The following FAM210A variants were observed in gnomAD, a reference collection of about 807,000 sequenced individuals.
FAM210A encodes the protein mitochondrial inner membrane scaffold 1.
Under a neutral mutation model 25.3 loss-of-function variants are expected in FAM210A, and 13 were observed. The ratio of observed to expected loss-of-function variants is 0.51; its 90% CI spans 0.33 to 0.82. The LOEUF (loss-of-function observed/expected upper bound fraction) is 0.82. FAM210A is among the 40% of genes least tolerant of loss of function. FAM210A has a pLI of 0.02. For synonymous variants in FAM210A, 125 were observed against 118.7 expected, an observed-to-expected ratio of 1.05 and a Z score of -0.35; for missense variants, 319 against 323.2, an observed-to-expected ratio of 0.99 and a Z score of 0.10.
intron 2 of FAM210A, among the ~76,000 whole-genome samples, chr18:13,675,654 G>T (rs2043491304): frequency 7.8e-6 from 1 of 128,154 alleles, no homozygotes; most frequent in African/African-American, 2.9e-5. Context: ...ACATTCCTGA[G>T]CCCTGGCTTC....
At chr18:13,712,387 A>G (rs907172559) in intron 1 of FAM210A, among the ~76,000 whole-genome samples, 8 of 152,232 alleles carry the variant, frequency 5.3e-5, no homozygotes, top group East Asian at 1.9e-4. Context: ...AGAAAATTCA[A>G]TTTGACAGTC....
chr18:13,723,123 T>C (rs1568491462), intron 1 of FAM210A, among the ~76,000 whole-genome samples: 1 of 152,208 alleles, frequency 6.6e-6, no homozygotes, highest in Non-Finnish European at 1.5e-5. Flanking sequence ...AGTGGGAGTA[T>C]CTAATAGTGA....
rs367917449 is a variant in FAM210A at position 13,700,493 on chromosome 18, C to T, written c.-28-18388G>A. On this transcript the variant is annotated intron_variant, in intron 1 of 3. Transcript: ENST00000651643. Reference sequence around the variant, plus strand: ...CTGAATTCCAGCAAAACAGCTGACACCAAACTGTCTGAAGACCCCCACCAA... The same window carrying T: ...CTGAATTCCAGCAAAACAGCTGACATCAAACTGTCTGAAGACCCCCACCAA... 3.3e-5 allele frequency among the ~76,000 whole-genome samples: 5 copies of T among 152,276 alleles called. No individual in the cohort carries two copies. The South Asian group carries it at 6.2e-4, about 19-fold the overall frequency.
chr18:13,663,545 A>G lies in FAM210A; in HGVS notation c.*2935T>C, dbSNP rs910300189. The G allele has an allele frequency of 1.3e-5, 2 of 152,120 alleles. No homozygotes were observed. Among genetic ancestry groups the G allele is most frequent in the African/African-American group, 4.8e-5 (2 of 41,390 alleles). 9.4% of individuals were successfully genotyped at this position (152,120 alleles called of 1,614,324 possible). On this transcript the variant is annotated 3_prime_UTR_variant, in exon 4 of 4. Transcript: ENST00000651643. ...ATAAACTAAGTCTCTCACCTAATCC[A>G]TCTTTCATTTCAAATATCAATTTGC...
chr18:13,704,174 G>A (rs746162926), intron 1 of FAM210A, among the ~76,000 whole-genome samples: 3 of 152,190 alleles, frequency 2.0e-5, no homozygotes, highest in African/African-American at 4.8e-5. Flanking sequence ...CATGCAAGGC[G>A]TGTGAGGAAA....
chr18:13,689,991 G>A (rs754791053), intron 1 of FAM210A, among the ~76,000 whole-genome samples: 5 of 152,238 alleles, frequency 3.3e-5, no homozygotes, highest in Non-Finnish European at 5.9e-5. Flanking sequence ...ATGGGTCAGG[G>A]AATTCCCTTT....
intron 2 of FAM210A, among the ~76,000 whole-genome samples, chr18:13,680,990 T>A (rs952458515): frequency 1.3e-5 from 2 of 152,192 alleles, no homozygotes; most frequent in Non-Finnish European, 2.9e-5. Flanking sequence ...CCTTGACACT[T>A]ACTGGACTTG....
chr18:13,675,660 G>A (rs57192882), intron 2 of FAM210A, among the ~76,000 whole-genome samples: 22 of 90,658 alleles, frequency 2.4e-4, no homozygotes, highest in Middle Eastern at 8.3e-3. Context: ...CTGAGCCCTG[G>A]CTTCTTTATT....
At chr18:13,723,858 T>G (rs1238817264) in intron 1 of FAM210A, among the ~76,000 whole-genome samples, 1 of 152,238 alleles carries the variant, frequency 6.6e-6, no homozygotes. Flanking sequence ...CAATGAAATT[T>G]CAGTAGGAAC....
At chr18:13,710,541 C>T (rs1158635593) in intron 1 of FAM210A, 1 of 152,216 alleles carries the variant, frequency 6.6e-6, no homozygotes, top group Non-Finnish European at 1.5e-5. Context: ...GTTCAGCAGT[C>T]ACGGGGCCAG....
intron 1 of FAM210A, among the ~76,000 whole-genome samples, chr18:13,713,751 C>CACACACACACAT (rs1208787484): frequency 6.6e-6 from 1 of 151,870 alleles, no homozygotes; most frequent in African/African-American, 2.4e-5. Context: ...CACACACACA[C>CACACACACACAT]ACGTTTAGAG....
At chr18:13,671,158 A>G (rs2043438266) in intron 3 of FAM210A, among the ~76,000 whole-genome samples, 1 of 148,832 alleles carries the variant, frequency 6.7e-6, no homozygotes, top group South Asian at 2.2e-4. Flanking sequence ...AAAAACAGTA[A>G]AATAGGGGGA....
chr18:13,717,961 C>G (rs1243537764), intron 1 of FAM210A, among the ~76,000 whole-genome samples: 2 of 152,156 alleles, frequency 1.3e-5, no homozygotes, highest in Non-Finnish European at 2.9e-5. Context: ...CTGAGGGAAG[C>G]CACCAGTCAA....
At chr18:13,703,422 A>T (rs1326255930) in intron 1 of FAM210A, among the ~76,000 whole-genome samples, 1 of 152,214 alleles carries the variant, frequency 6.6e-6, no homozygotes, top group Non-Finnish European at 1.5e-5. Flanking sequence ...GATGCCATAC[A>T]ATTAAATGCA....
intron 1 of FAM210A, among the ~76,000 whole-genome samples, chr18:13,700,355 G>C (rs1245129283): frequency 6.6e-6 from 1 of 152,168 alleles, no homozygotes; most frequent in Non-Finnish European, 1.5e-5. Flanking sequence ...CTTCCCTATA[G>C]CTGCTGAGAG....
intron 1 of FAM210A, among the ~76,000 whole-genome samples, chr18:13,688,604 A>T (rs1431474229): frequency 6.6e-6 from 1 of 152,230 alleles, no homozygotes; most frequent in Non-Finnish European, 1.5e-5. Flanking sequence ...CTGGACAAGA[A>T]TTCAGGAGGT....
At chr18:13,709,516 A>G (rs890740707) in intron 1 of FAM210A, among the ~76,000 whole-genome samples, 4 of 152,184 alleles carry the variant, frequency 2.6e-5, no homozygotes, top group East Asian at 1.9e-4. Flanking sequence ...GCCTACCTTG[A>G]CCATCTTATT....
At chr18:13,697,919 G>C (rs777111092) in intron 1 of FAM210A, among the ~76,000 whole-genome samples, 13 of 152,064 alleles carry the variant, frequency 8.5e-5, no homozygotes, top group Non-Finnish European at 1.5e-4. Flanking sequence ...ACACATAGAG[G>C]AACCTTAAAT....
intron 1 of FAM210A, among the ~76,000 whole-genome samples, chr18:13,711,509 T>C (rs928923554): frequency 6.6e-6 from 1 of 152,226 alleles, no homozygotes; most frequent in African/African-American, 2.4e-5. Flanking sequence ...CTTCTATTGA[T>C]ACCTTTTGGG....
Sources: gnomAD v4.1 joint callset for allele counts (sites outside exome capture counted in the v4.1 genomes callset) on GRCh38, gnomAD v4.1.1 for gene constraint, MANE v1.5 for transcripts, NCBI Gene and HGNC (gene_info 2026-07-23, HGNC 2026-07-21) for gene names.